The following NCAM2 variants were observed in gnomAD, a reference collection of about 807,000 sequenced individuals.
The protein encoded by NCAM2 is N-CAM-2.
A neutral mutation model predicts 98.1 loss-of-function variants in NCAM2; 30 were observed. That is an observed-to-expected ratio of 0.31 (90% CI 0.23 to 0.41). NCAM2 has a LOEUF of 0.41. Ranked by LOEUF, NCAM2 falls within the 10% of genes least tolerant of loss-of-function variation. The probability of loss-of-function intolerance (pLI) is 1.00; values close to 1 mark genes in which losing one functional copy is unlikely to be tolerated. For missense variants in NCAM2, 867 were observed against 1,005.8 expected, an observed-to-expected ratio of 0.86 and a Z score of 1.87; for synonymous variants, 368 against 342.4, an observed-to-expected ratio of 1.07 and a Z score of -0.83.
chr21:21,158,612 C>A (rs369317560), intron 1 of NCAM2, among the ~76,000 whole-genome samples: 55 of 144,278 alleles, frequency 3.8e-4, no homozygotes, highest in South Asian at 6.7e-4. Flanking sequence ...CCCGCCCCCG[C>A]AAAAAAAAAA....
At chr21:21,184,768 C>T (rs2068585133) in intron 1 of NCAM2, among the ~76,000 whole-genome samples, 1 of 152,144 alleles carries the variant, frequency 6.6e-6, no homozygotes, top group African/African-American at 2.4e-5. Flanking sequence ...TCCTTGTTCT[C>T]AGTGAACCTC....
At chr21:21,335,304 A>G (rs2074830380) in intron 6 of NCAM2, among the ~76,000 whole-genome samples, 1 of 151,954 alleles carries the variant, frequency 6.6e-6, no homozygotes, top group African/African-American at 2.4e-5. Flanking sequence ...GTTTACATTC[A>G]AAAAAAATTT....
intron 1 of NCAM2, among the ~76,000 whole-genome samples, chr21:21,125,783 A>C (rs905305038): frequency 1.3e-5 from 2 of 149,540 alleles, no homozygotes; most frequent in African/African-American, 4.9e-5. Context: ...AAACAAACCT[A>C]CTTTTCAAAA....
chr21:21,198,143 C>T (rs1242791087), intron 1 of NCAM2, among the ~76,000 whole-genome samples: 5 of 150,152 alleles, frequency 3.3e-5, no homozygotes, highest in Non-Finnish European at 7.4e-5. Flanking sequence ...TACTTATCTA[C>T]CTAAACAGAA....
At chr21:21,471,231 G>C (rs1205861424) in intron 14 of NCAM2, among the ~76,000 whole-genome samples, 2 of 151,860 alleles carry the variant, frequency 1.3e-5, no homozygotes, top group African/African-American at 2.4e-5. Flanking sequence ...ATGCCTTCTA[G>C]TTTCATCATT....
At chr21:21,232,085 T>C (rs1365657031) in intron 1 of NCAM2, among the ~76,000 whole-genome samples, 1 of 151,466 alleles carries the variant, frequency 6.6e-6, no homozygotes, top group East Asian at 1.9e-4. Context: ...TTCTCCCCAG[T>C]TATCTTGCAG....
chr21:21,470,700 T>C (rs953966678), intron 14 of NCAM2, among the ~76,000 whole-genome samples: 4 of 152,028 alleles, frequency 2.6e-5, no homozygotes, highest in Admixed American at 6.6e-5. Flanking sequence ...TTTCCAACCC[T>C]TTCTAACTCC....
intron 1 of NCAM2, among the ~76,000 whole-genome samples, chr21:21,230,690 T>C (rs1568804168): frequency 1.3e-5 from 2 of 151,404 alleles, no homozygotes; most frequent in Admixed American, 6.6e-5. Flanking sequence ...GTGTCAAAAT[T>C]GAATCATGTT....
At chr21:21,536,162 CAATGTTTTTT>C (rs1197398207) in intron 17 of NCAM2, among the ~76,000 whole-genome samples, 1 of 151,850 alleles carries the variant, frequency 6.6e-6, no homozygotes, top group Non-Finnish European at 1.5e-5. Flanking sequence ...CTCGTTGGTA[CAATGTTTTTT>C]AATGTTTTTT....
At chr21:21,033,230 T>A (rs1407279004) in intron 1 of NCAM2, among the ~76,000 whole-genome samples, 1 of 152,210 alleles carries the variant, frequency 6.6e-6, no homozygotes, top group African/African-American at 2.4e-5. Flanking sequence ...ATTACAGGCA[T>A]GAGCCACTGC....
chr21:21,358,234 G>A (rs1034358991), intron 8 of NCAM2, among the ~76,000 whole-genome samples: 4 of 152,034 alleles, frequency 2.6e-5, no homozygotes, highest in East Asian at 1.9e-4. Context: ...AGTATTCAGC[G>A]TAGTGGGACT....
intron 16 of NCAM2, among the ~76,000 whole-genome samples, chr21:21,514,476 A>C (rs199896180): frequency 4.6e-5 from 1 of 21,772 alleles, no homozygotes; most frequent in South Asian, 3.0e-3. Flanking sequence ...AAAAAACAAA[A>C]AAAAAAAAAA....
chr21:21,357,832 CAA>C (rs2147976378), intron 8 of NCAM2, among the ~76,000 whole-genome samples: 1 of 151,892 alleles, frequency 6.6e-6, no homozygotes, highest in African/African-American at 2.4e-5. Flanking sequence ...GAACAAATGT[CAA>C]AGAGATAAGT....
chr21:21,232,895 G>T (rs569241528), intron 1 of NCAM2, among the ~76,000 whole-genome samples: 104 of 151,464 alleles, frequency 6.9e-4, no homozygotes, highest in African/African-American at 2.5e-3. Flanking sequence ...TCCAAATGTT[G>T]GTTCTTGAAG....
chr21:21,246,933 C>G (rs2071292621), intron 1 of NCAM2, among the ~76,000 whole-genome samples: 1 of 152,134 alleles, frequency 6.6e-6, no homozygotes, highest in Admixed American at 6.6e-5. Context: ...ATTGAACTTG[C>G]ACTTTATCTT....
chr21:21,378,717 A>AT (rs1276689439), intron 9 of NCAM2, among the ~76,000 whole-genome samples: 1 of 152,100 alleles, frequency 6.6e-6, no homozygotes, highest in African/African-American at 2.4e-5. Context: ...TCCTACAGAT[A>AT]TAACAGAGTT....
chr21:21,004,102 C>G (rs1166352289), intron 1 of NCAM2, among the ~76,000 whole-genome samples: 1 of 152,138 alleles, frequency 6.6e-6, no homozygotes, highest in African/African-American at 2.4e-5. Flanking sequence ...GTTACTAGAG[C>G]TCCAGTCTCC....
At chr21:21,261,267 C>A (rs1441907006) in intron 1 of NCAM2, among the ~76,000 whole-genome samples, 1 of 152,036 alleles carries the variant, frequency 6.6e-6, no homozygotes, top group Admixed American at 6.6e-5. Context: ...CATCAGGACC[C>A]CACTTACATC....
intron 1 of NCAM2, among the ~76,000 whole-genome samples, chr21:21,194,679 A>G (rs1479460599): frequency 1.3e-5 from 2 of 152,160 alleles, no homozygotes; most frequent in East Asian, 3.8e-4. Context: ...ACAGATTTCA[A>G]TATTTTATTT....
Sources: gnomAD v4.1 joint callset for allele counts (sites outside exome capture counted in the v4.1 genomes callset) on GRCh38, gnomAD v4.1.1 for gene constraint, MANE v1.5 for transcripts, NCBI Gene and HGNC (gene_info 2026-07-23, HGNC 2026-07-21) for gene names.